Variants in MRE11 observed in about 807,000 individuals in gnomAD.
MRE11 encodes the protein MRE11 double strand break repair nuclease.
A neutral mutation model predicts 91.7 loss-of-function variants in MRE11; 62 were observed. That is an observed-to-expected ratio of 0.68 (90% CI 0.55 to 0.84). The LOEUF (loss-of-function observed/expected upper bound fraction) is 0.84, where lower values mean the gene tolerates loss of function less well. Ranked by LOEUF, MRE11 falls within the 40% of genes least tolerant of loss-of-function variation. MRE11 has a pLI of 0.00. For synonymous variants in MRE11, 273 were observed against 271.4 expected, an observed-to-expected ratio of 1.01 and a Z score of -0.06; for missense variants, 796 against 852.9, an observed-to-expected ratio of 0.93 and a Z score of 0.83.
rs1947239680 is a variant in MRE11 at position 94,489,816 on chromosome 11, C to CG, written c.153+1016_153+1017insC. ...GAATGTCCCATTGCAGTCTCCAACTCTAAGTTTGTCGAAATCAAACAAAGA... is the reference window on the plus strand; with the variant it reads ...GAATGTCCCATTGCAGTCTCCAACTCGTAAGTTTGTCGAAATCAAACAAAGA... On this transcript the variant is annotated intron_variant, in intron 3 of 19. Coordinates refer to ENST00000323929, the MANE Select transcript of MRE11 (RefSeq NM_005591.4). Among the ~76,000 whole-genome samples, 3 of 152,280 alleles carry CG rather than the reference C, an allele frequency of 2.0e-5. No homozygotes were observed. The South Asian group carries it at 6.2e-4, about 32-fold the overall frequency.
chr11:94,424,415 A>G (rs1432023801), intron 19 of MRE11, among the ~76,000 whole-genome samples: 1 of 152,204 alleles, frequency 6.6e-6, no homozygotes, highest in East Asian at 1.9e-4. Context: ...ATGAGAAAGA[A>G]TCAGTGCAAG....
Position 94,417,643 on chromosome 11 carries a change from A to C in MRE11, c.*2482T>G, listed in dbSNP as rs930917926. On this transcript the variant is annotated 3_prime_UTR_variant, in exon 20 of 20. Transcript: ENST00000323929. Reference sequence around the variant, plus strand: ...TAGGGCTTGTTACCCAGAAAGGAGAAAACAATATAATGGGCATCCAGGACA... The same window carrying C: ...TAGGGCTTGTTACCCAGAAAGGAGACAACAATATAATGGGCATCCAGGACA... 2.6e-5 allele frequency: 6 copies of C among 232,992 alleles called. No individual in the cohort carries two copies. The highest frequency in any genetic ancestry group is 4.4e-5 in the African/African-American group (2 of 45,346). The allele number at this position is 232,992 out of a possible 1,614,324, so 14.4% of individuals were successfully genotyped here. A position where few individuals can be genotyped will look rare whatever the true frequency, so the allele number is the denominator to read the frequency against.
chr11:94,492,618 A>G, intron 2 of MRE11, 164 bp downstream of exon 2: 1 of 1,250,680 alleles, frequency 8.0e-7, no homozygotes, highest in East Asian at 2.5e-5. Context: ...ACAAACAGAT[A>G]AATATTTAAA....
chr11:94,453,354 A>G (rs1342008483), intron 14 of MRE11, among the ~76,000 whole-genome samples: 1 of 152,216 alleles, frequency 6.6e-6, no homozygotes, highest in African/African-American at 2.4e-5. Context: ...AAATTGCTAT[A>G]TTACATGATA....
chr11:94,472,502 G>A (rs1292561831), intron 7 of MRE11, among the ~76,000 whole-genome samples: 1 of 152,046 alleles, frequency 6.6e-6, no homozygotes, highest in Non-Finnish European at 1.5e-5. Flanking sequence ...AGATGTCCCA[G>A]GCTTCTTCTA....
At chr11:94,446,435 T>G (rs1268277695) in intron 15 of MRE11, among the ~76,000 whole-genome samples, 1 of 151,930 alleles carries the variant, frequency 6.6e-6, no homozygotes, top group Non-Finnish European at 1.5e-5. Context: ...AAAACAAAAA[T>G]AAAAATTTTT....
intron 4 of MRE11, among the ~76,000 whole-genome samples, chr11:94,483,191 G>T (rs1251393926): frequency 6.6e-6 from 1 of 151,350 alleles, no homozygotes; most frequent in African/African-American, 2.4e-5. Context: ...AATAAATATG[G>T]GCTGGGCATG....
At chr11:94,511,346 T>G in the MRE11 span, among the ~76,000 whole-genome samples, 1 of 152,244 alleles carries the variant, frequency 6.6e-6, no homozygotes, top group Non-Finnish European at 1.5e-5. Flanking sequence ...GCCAGCATCA[T>G]GCTTCCTGTA....
At position 94,416,144 on chromosome 11, in the gene MRE11, T is replaced by C. The variant is rs1565192875; in HGVS notation, c.*3981A>G. The C allele has an allele frequency of 1.3e-5, 2 of 152,338 alleles. No homozygotes were observed. Among genetic ancestry groups the C allele is most frequent in the East Asian group, 3.9e-4 (2 of 5,184 alleles). The allele number at this position is 152,338 out of a possible 1,614,324, so 9.4% of individuals were successfully genotyped here. On this transcript the variant is annotated 3_prime_UTR_variant, in exon 20 of 20. Transcript: ENST00000323929. The stretch of plus-strand genomic sequence containing the variant: ...CTAATTCAACAATTTTTCTTGGTAG[T>C]CTTGCCAACAGTAATTGGAGAAACG...
chr11:94,466,220 A>G (rs1451526672), intron 10 of MRE11, among the ~76,000 whole-genome samples: 1 of 152,328 alleles, frequency 6.6e-6, no homozygotes, highest in East Asian at 1.9e-4. Context: ...CTAACCTAAA[A>G]AAGTTTAGAC....
rs765958437 is a variant in MRE11, at chr11:94,429,931, C to T, written c.2050G>A (p.Val684Ile). Residue 684 changes from valine (V) to isoleucine (I), a missense_variant, in exon 19 of 20, where the codon GTT becomes ATT. Transcript: ENST00000323929. ...IMSQSQVSKG[V>I]DFESSEDDDD... is the part of the protein sequence containing the mutation. ...TTTACCTCACTTGATTCAAAATCAACCCCTTTCGATACTTGACTCTGGGAC... is the reference window on the plus strand; with the variant it reads ...TTTACCTCACTTGATTCAAAATCAATCCCTTTCGATACTTGACTCTGGGAC... 3 of 1,613,616 alleles carry T rather than the reference C, an allele frequency of 1.9e-6. No homozygotes were observed. Among genetic ancestry groups the T allele is most frequent in the Non-Finnish European group, 2.5e-6 (3 of 1,179,882 alleles).
rs1945120100 is a variant in MRE11 at position 94,419,769 on chromosome 11, T to C, written c.*356A>G. On this transcript the variant is annotated 3_prime_UTR_variant, in exon 20 of 20. Transcript: ENST00000323929. ...TTACTTTCAGAAAACCCAGAACCTC[T>C]AGGAAATTACTAAAATTATGAAGAA... 7.9e-6 allele frequency: 2 copies of C among 251,828 alleles called. No individual in the cohort carries two copies. Among genetic ancestry groups the C allele is most frequent in the Non-Finnish European group, 1.5e-5 (2 of 129,486 alleles). 15.6% of individuals were successfully genotyped at this position (251,828 alleles called of 1,614,324 possible).
At chr11:94,492,989 C>G in intron 1 of MRE11, 83 bp from the exon 2 acceptor site, 1 of 605,600 alleles carries the variant, frequency 1.7e-6, no homozygotes, top group East Asian at 2.8e-5. Context: ...GCACAAGGTA[C>G]AGACGTCTTA....
intron 7 of MRE11, among the ~76,000 whole-genome samples, chr11:94,472,128 C>T (rs538787458): frequency 2.6e-5 from 4 of 151,966 alleles, no homozygotes; most frequent in Non-Finnish European, 4.4e-5. Context: ...AGAAAACACA[C>T]AGAAAATGCA....
chr11:94,509,810 TGTG>T, the MRE11 span, among the ~76,000 whole-genome samples: 1 of 152,250 alleles, frequency 6.6e-6, no homozygotes, highest in Non-Finnish European at 1.5e-5. Context: ...ATTTTTTTAA[TGTG>T]GTAAGTTATA....
intron 11 of MRE11, among the ~76,000 whole-genome samples, chr11:94,462,367 A>G (rs1256011748): frequency 6.6e-6 from 1 of 152,234 alleles, no homozygotes; most frequent in Non-Finnish European, 1.5e-5. Context: ...GGTAATTTAT[A>G]GATTCAATGC....
intron 18 of MRE11, among the ~76,000 whole-genome samples, chr11:94,434,410 T>A (rs1458513133): frequency 2.0e-5 from 3 of 152,080 alleles, no homozygotes; most frequent in South Asian, 2.1e-4. Flanking sequence ...CCCAAAAAAA[T>A]TTCATTCTTT....
upstream of MRE11, chr11:94,498,796 G>A (rs754279796): frequency 7.2e-6 from 3 of 418,686 alleles, no homozygotes; most frequent in Non-Finnish European, 1.3e-5. Flanking sequence ...CTTGACACGG[G>A]TTGTACAGAA....
chr11:94,433,151 A>G (rs1283855656), intron 18 of MRE11, among the ~76,000 whole-genome samples: 1 of 152,134 alleles, frequency 6.6e-6, no homozygotes, highest in African/African-American at 2.4e-5. Flanking sequence ...TGTTTCCTCC[A>G]TTTCACCTAC....
Sources: allele counts gnomAD v4.1 joint callset (sites outside exome capture counted in the v4.1 genomes callset), GRCh38; gene constraint gnomAD v4.1.1; transcripts MANE v1.5; gene names NCBI Gene and HGNC (gene_info 2026-07-23, HGNC 2026-07-21).